Variants in TYW1 observed in about 807,000 individuals in gnomAD.
The protein encoded by TYW1 is S-adenosyl-L-methionine-dependent tRNA 4-demethylwyosine synthase TYW1.
Under a neutral mutation model 96.2 loss-of-function variants are expected in TYW1, and 46 were observed. That is an observed-to-expected ratio of 0.48 (90% confidence interval 0.38 to 0.61). The LOEUF (loss-of-function observed/expected upper bound fraction) is 0.61. Ranked by LOEUF, TYW1 falls within the 20% of genes least tolerant of loss-of-function variation. TYW1 has a pLI of 0.00. For missense variants in TYW1, 684 were observed against 909.6 expected, an observed-to-expected ratio of 0.75 and a Z score of 3.19; for synonymous variants, 274 against 323.0, an observed-to-expected ratio of 0.85 and a Z score of 1.63.
intron 14 of TYW1, among the ~76,000 whole-genome samples, chr7:67,188,660 G>T (rs1343755609): frequency 6.6e-6 from 1 of 152,156 alleles, no homozygotes; most frequent in African/African-American, 2.4e-5. Context: ...GTAACACTTG[G>T]AAGGCTTGTT....
At chr7:67,013,187 A>G (rs1308281081) in intron 4 of TYW1, among the ~76,000 whole-genome samples, 2 of 147,914 alleles carry the variant, frequency 1.4e-5, no homozygotes, top group African/African-American at 5.0e-5. Flanking sequence ...CAGGGGTGTG[A>G]TGGTGGCCCA....
chr7:67,237,378 T>G (rs1167214451), intron 15 of TYW1, among the ~76,000 whole-genome samples: 1 of 151,756 alleles, frequency 6.6e-6, no homozygotes, highest in Non-Finnish European at 1.5e-5. Context: ...CAGGAGCCAG[T>G]AGTCCCAGCT....
chr7:67,044,049 ATT>A (rs1795109230), intron 7 of TYW1, among the ~76,000 whole-genome samples: 1 of 150,982 alleles, frequency 6.6e-6, no homozygotes, highest in African/African-American at 2.4e-5. Flanking sequence ...CAGTGATATA[ATT>A]TTTATTAGTT....
chr7:67,117,691 T>C, intron 13 of TYW1, 73 bp downstream of exon 13: 7 of 1,371,914 alleles, frequency 5.1e-6, no homozygotes, highest in East Asian at 2.7e-5. Flanking sequence ...GAAAGAAAGA[T>C]GGAAGAAAAG....
At chr7:67,003,177 G>T (rs1170988300) in intron 3 of TYW1, among the ~76,000 whole-genome samples, 1 of 152,122 alleles carries the variant, frequency 6.6e-6, no homozygotes, top group Non-Finnish European at 1.5e-5. Context: ...CTTAACATCA[G>T]TGTGCTCAAA....
At chr7:67,001,104 A>G (rs1261024456) in intron 3 of TYW1, among the ~76,000 whole-genome samples, 3 of 152,194 alleles carry the variant, frequency 2.0e-5, no homozygotes, top group Non-Finnish European at 4.4e-5. Context: ...AAATGATCAA[A>G]AAGATCAAAC....
At chr7:67,163,362 C>T (rs1240364756) in intron 13 of TYW1, among the ~76,000 whole-genome samples, 1 of 152,144 alleles carries the variant, frequency 6.6e-6, no homozygotes, top group East Asian at 1.9e-4. Context: ...TGCCAGTGCT[C>T]CGAGCCTCTT....
intron 6 of TYW1, among the ~76,000 whole-genome samples, chr7:67,021,415 C>T (rs547619369): frequency 1.3e-5 from 2 of 152,382 alleles, no homozygotes; most frequent in Admixed American, 6.5e-5. Flanking sequence ...TGGTGCTTGC[C>T]TAAGTGACTT....
chr7:67,175,033 C>T (rs2116274408), intron 13 of TYW1, among the ~76,000 whole-genome samples: 1 of 151,838 alleles, frequency 6.6e-6, no homozygotes, highest in African/African-American at 2.4e-5. Flanking sequence ...CCAAAGGAAA[C>T]TCCAGGCCCA....
intron 13 of TYW1, among the ~76,000 whole-genome samples, chr7:67,164,796 A>T (rs1455266861): frequency 6.6e-6 from 1 of 152,104 alleles, no homozygotes; most frequent in Admixed American, 6.6e-5. Flanking sequence ...CTGAAATAAC[A>T]TCTTTAGTGT....
intron 13 of TYW1, among the ~76,000 whole-genome samples, chr7:67,154,601 G>C (rs1280019832): frequency 6.6e-6 from 1 of 152,012 alleles, no homozygotes; most frequent in Non-Finnish European, 1.5e-5. Flanking sequence ...TGACACTCTT[G>C]CTGTTTTTAG....
At chr7:67,047,123 A>AT (rs1280552749) in intron 7 of TYW1, among the ~76,000 whole-genome samples, 1 of 152,134 alleles carries the variant, frequency 6.6e-6, no homozygotes, top group African/African-American at 2.4e-5. Flanking sequence ...TGTCTTATCA[A>AT]TTTTTTACAT....
chr7:67,006,946 G>C (rs1222515663), intron 3 of TYW1, among the ~76,000 whole-genome samples: 2 of 83,102 alleles, frequency 2.4e-5, no homozygotes, highest in Non-Finnish European at 2.4e-5. Flanking sequence ...AGAGATGTGA[G>C]GCTTTTTTTT....
At chr7:67,054,443 T>C (rs1362676008) in intron 8 of TYW1, among the ~76,000 whole-genome samples, 1 of 152,206 alleles carries the variant, frequency 6.6e-6, no homozygotes, top group Non-Finnish European at 1.5e-5. Context: ...TTTAAATGCA[T>C]ATTTGGTATC....
intron 15 of TYW1, among the ~76,000 whole-genome samples, chr7:67,203,514 G>A (rs1355658468): frequency 6.6e-6 from 1 of 152,076 alleles, no homozygotes; most frequent in African/African-American, 2.4e-5. Context: ...ACTGGTGTCG[G>A]CATGTTAGCA....
chr7:67,157,683 G>A (rs1799027669), intron 13 of TYW1, among the ~76,000 whole-genome samples: 1 of 152,212 alleles, frequency 6.6e-6, no homozygotes, highest in Admixed American at 6.5e-5. Flanking sequence ...TCCCATTCAG[G>A]ATAGCACCTT....
At chr7:67,016,603 T>A (rs1050684206) in intron 5 of TYW1, among the ~76,000 whole-genome samples, 7 of 152,304 alleles carry the variant, frequency 4.6e-5, no homozygotes, top group African/African-American at 4.8e-5. Flanking sequence ...TGTGTCACAA[T>A]GTAGATTTTG....
At chr7:67,028,231 T>A (rs1203403969) in intron 7 of TYW1, among the ~76,000 whole-genome samples, 2 of 137,838 alleles carry the variant, frequency 1.5e-5, no homozygotes, top group Non-Finnish European at 3.1e-5. Context: ...AGAGCAAGAC[T>A]CTGTCTCAAA....
intron 6 of TYW1, among the ~76,000 whole-genome samples, chr7:67,018,931 G>C (rs1219105574): frequency 3.4e-5 from 5 of 148,706 alleles, no homozygotes; most frequent in Non-Finnish European, 5.9e-5. Flanking sequence ...ACTCCAGCCC[G>C]GGCGACAGAG....
Sources: gnomAD v4.1 joint callset for allele counts (sites outside exome capture counted in the v4.1 genomes callset) on GRCh38, gnomAD v4.1.1 for gene constraint, MANE v1.5 for transcripts, NCBI Gene and HGNC (gene_info 2026-07-23, HGNC 2026-07-21) for gene names.